TBC1D2: variants seen among roughly 807,000 people sequenced by gnomAD.
TBC1D2 encodes TBC1 domain family member 2A.
Under a neutral mutation model 91.1 loss-of-function variants are expected in TBC1D2, and 58 were observed. The observed-to-expected ratio is 0.64, with a 90% CI of 0.52 to 0.79. The LOEUF is 0.79. TBC1D2 is among the 30% of genes least tolerant of loss of function. The pLI, the probability that TBC1D2 is intolerant of heterozygous loss-of-function variation, is 0.00. For missense variants in TBC1D2, 1,080 were observed against 1,208.3 expected, an observed-to-expected ratio of 0.89 and a Z score of 1.57; for synonymous variants, 482 against 511.5, an observed-to-expected ratio of 0.94 and a Z score of 0.78.
intron 6 of TBC1D2, among the ~76,000 whole-genome samples, chr9:98,217,720 T>A (rs762429424): frequency 3.3e-5 from 5 of 152,196 alleles, no homozygotes; most frequent in Admixed American, 6.6e-5. Flanking sequence ...TTTTTTATTT[T>A]TTTTTTAATA....
intron 2 of TBC1D2, among the ~76,000 whole-genome samples, chr9:98,248,357 A>G (rs1829807965): frequency 6.6e-6 from 1 of 152,262 alleles, no homozygotes; most frequent in South Asian, 2.1e-4. Context: ...ACCCTGGAGA[A>G]ATGCCCTCCA....
intron 10 of TBC1D2, 119 bp downstream of exon 10, chr9:98,203,169 G>A (rs12342968): frequency 0.11 from 159,570 of 1,465,194 alleles, 9,423 homozygotes; most frequent in Non-Finnish European, 0.12. Context: ...CTCCCACAGT[G>A]CAGAGGGAGA....
chr9:98,200,509 T>G, intron 11 of TBC1D2, 135 bp from the exon 12 acceptor site: 7 of 352,456 alleles, frequency 2.0e-5, no homozygotes, highest in East Asian at 1.0e-4. Flanking sequence ...GGAGGCACAA[T>G]GTGTGGGGAT....
chr9:98,209,595 C>A (rs1828758463), intron 8 of TBC1D2, among the ~76,000 whole-genome samples: 1 of 152,142 alleles, frequency 6.6e-6, no homozygotes, highest in African/African-American at 2.4e-5. Flanking sequence ...CAGCTGGGGA[C>A]CCGTTCCAGA....
At position 98,203,534 on chromosome 9, in the gene TBC1D2, C is replaced by T. The variant is rs1828568696; in HGVS notation, c.2151-126G>A. The T allele has an allele frequency of 6.6e-6, 9 of 1,369,428 alleles. No homozygotes were observed. The Admixed American group carries it at 1.4e-4, about 21-fold the overall frequency. The allele number at this position is 1,369,428 out of a possible 1,614,324, so 84.8% of individuals were successfully genotyped here. A position where few individuals can be genotyped will look rare whatever the true frequency, so the allele number is the denominator to read the frequency against. ...CCATGTGAGCATCAGTGCAATCCCACTCCCTAACCAGATTTGTGCTCCTGG... is the reference window on the plus strand; with the variant it reads ...CCATGTGAGCATCAGTGCAATCCCATTCCCTAACCAGATTTGTGCTCCTGG... On this transcript the variant is annotated intron_variant, in intron 9 of 12. Coordinates refer to ENST00000465784, the MANE Select transcript of TBC1D2 (RefSeq NM_001267571.2).
intron 5 of TBC1D2, among the ~76,000 whole-genome samples, chr9:98,224,817 G>A (rs993206330): frequency 6.6e-6 from 1 of 152,128 alleles, no homozygotes; most frequent in African/African-American, 2.4e-5. Flanking sequence ...TTCTGGATCC[G>A]TGGGGGGTGT....
At chr9:98,241,681 T>C (rs967884288) in intron 3 of TBC1D2, among the ~76,000 whole-genome samples, 2 of 152,184 alleles carry the variant, frequency 1.3e-5, no homozygotes, top group African/African-American at 4.8e-5. Context: ...CTGCCCTGGG[T>C]GCATGCTGGC....
intron 2 of TBC1D2, among the ~76,000 whole-genome samples, chr9:98,248,195 C>G (rs1829804629): frequency 6.6e-6 from 1 of 152,240 alleles, no homozygotes; most frequent in African/African-American, 2.4e-5. Flanking sequence ...ACAAGCAGAT[C>G]ATCTAAGACA....
At chr9:98,221,645 G>GC (rs1241356819) in intron 5 of TBC1D2, among the ~76,000 whole-genome samples, 2 of 152,194 alleles carry the variant, frequency 1.3e-5, no homozygotes, top group East Asian at 3.9e-4. Flanking sequence ...AGAAAGGGCT[G>GC]CCCCCCAGCT....
chr9:98,209,134 C>T lies in TBC1D2; in HGVS notation c.1684G>A (p.Glu562Lys), dbSNP rs765947069. The change falls in exon 9 of 13, where the codon GAG becomes AAG. Residue 562 changes from glutamate (E) to lysine (K), a missense_variant. Glu to Lys is a moderately conservative substitution (Grantham distance 56). Transcript: ENST00000465784. ...IELSPISKYD[E>K]YGFLTVPDYE... ...TCGGGCACCGTCAGGAAGCCGTACTCATCATACTTACTGCCAGCAAAAGTG... is the reference window on the plus strand; with the variant it reads ...TCGGGCACCGTCAGGAAGCCGTACTTATCATACTTACTGCCAGCAAAAGTG... 2.1e-5 allele frequency: 33 copies of T among 1,608,690 alleles called. No individual in the cohort carries two copies. The highest frequency in any genetic ancestry group is 5.0e-5 in the Admixed American group (3 of 59,906).
intron 2 of TBC1D2, among the ~76,000 whole-genome samples, chr9:98,251,331 A>C (rs1485755762): frequency 3.3e-5 from 5 of 151,934 alleles, no homozygotes; most frequent in Non-Finnish European, 7.4e-5. Flanking sequence ...CTCACGACAC[A>C]AATCTACAAC....
chr9:98,248,469 T>C (rs2131293278), intron 2 of TBC1D2, among the ~76,000 whole-genome samples: 1 of 152,282 alleles, frequency 6.6e-6, no homozygotes, highest in African/African-American at 2.4e-5. Context: ...AGGCGCTGCC[T>C]AGACAAAAAA....
Position 98,244,024 on chromosome 9 carries a change from A to C in TBC1D2, c.617T>G (p.Ile206Ser). 6.2e-7 allele frequency: 1 copy of C among 1,610,158 alleles called. No individual in the cohort carries two copies. The highest frequency in any genetic ancestry group is 8.5e-7 in the Non-Finnish European group (1 of 1,178,286). The change falls in exon 3 of 13, where the codon ATT becomes AGT. Residue 206 changes from isoleucine (I) to serine (S), a missense_variant. Physicochemically the swap from Ile to Ser is moderately radical, Grantham distance 142. Coordinates refer to ENST00000465784, the MANE Select transcript of TBC1D2 (RefSeq NM_001267571.2). ...ALQPFPALQNISLKHLGTEIQ... is the reference protein window; with the variant it reads ...ALQPFPALQNSSLKHLGTEIQ... ...TTCAGTCCCCAGGTGCTTGAGGGAA[A>C]TATTCTGAAGGGCAGGGAAGGGCTG...
chr9:98,208,673 C>T lies in TBC1D2; in HGVS notation c.2145G>A (p.Leu715=), dbSNP rs762572397. 3 of 1,524,266 alleles carry T rather than the reference C, an allele frequency of 2.0e-6. No individual in the cohort carries two copies. The Admixed American group carries it at 6.4e-5, about 33-fold the overall frequency. The allele number at this position is 1,524,266 out of a possible 1,614,324, so 94.4% of individuals were successfully genotyped here. A position where few individuals can be genotyped will look rare whatever the true frequency, so the allele number is the denominator to read the frequency against. The part of the protein sequence containing the change: ...QNPTIGYCQG[L]NRLAAIALLV... Reference sequence around the variant, plus strand: ...ACTGGGCTTTGGTGGCTTACCTGTTCAGGCCCTGGCAGTAGCCGATGGTGG... The same window carrying T: ...ACTGGGCTTTGGTGGCTTACCTGTTTAGGCCCTGGCAGTAGCCGATGGTGG... Residue 715 remains leucine, a synonymous_variant, in exon 9 of 13, where the codon CTG becomes CTA. Transcript: ENST00000465784.
chr9:98,220,892 G>A lies in TBC1D2; in HGVS notation c.1315C>T (p.Arg439Cys), dbSNP rs147250268. ...AAGTCCCTGTTGGCAGCGTCGGGGC[G>A]CAAAGGAGACTGGTCAGGGGGGTGC... The part of the protein sequence containing the change: ...FTHPPDQSPL[R>C]PDAANRDFLS... Residue 439 changes from arginine (R) to cysteine (C), a missense_variant, in exon 6 of 13, where the codon CGC becomes TGC. Transcript: ENST00000465784. 1.1e-4 allele frequency: 175 copies of A among 1,614,008 alleles called. No individual in the cohort carries two copies. The highest frequency in any genetic ancestry group is 9.9e-4 in the Middle Eastern group (6 of 6,084).
intron 2 of TBC1D2, among the ~76,000 whole-genome samples, chr9:98,249,174 T>C (rs1453873596): frequency 6.6e-6 from 1 of 152,094 alleles, no homozygotes; most frequent in African/African-American, 2.4e-5. Context: ...AGGCCCTGGG[T>C]CTGGGAGGAG....
chr9:98,203,334 G>A lies in TBC1D2; in HGVS notation c.2225C>T (p.Thr742Ile), dbSNP rs199521857. 5.0e-6 allele frequency: 8 copies of A among 1,614,216 alleles called. No individual in the cohort carries two copies. Among genetic ancestry groups the A allele is most frequent in the East Asian group, 2.2e-5 (1 of 44,882 alleles). ...AFWCLVAIVETIMPADYYCNT... is the reference protein window; with the variant it reads ...AFWCLVAIVEIIMPADYYCNT... ...GCAGTAGTAATCAGCGGGCATGATG[G>A]TCTCCACAATGGCCACCAGGCACCA... Residue 742 changes from threonine to isoleucine, a missense_variant, in exon 10 of 13, where the codon ACC becomes ATC. By Grantham distance (89) the Thr-to-Ile change is moderately conservative. Coordinates refer to ENST00000465784, the MANE Select transcript of TBC1D2 (RefSeq NM_001267571.2).
In TBC1D2 at chr9:98,255,104, G is replaced by A; in HGVS notation, c.369+69C>T. On this transcript the variant is annotated intron_variant, in intron 1 of 12. Transcript: ENST00000465784. ...TTTACTGTGTCCACCTCACACTCGC[G>A]CCCAGCCTTGCCCTGCGAAAAGGGG... 5.9e-6 allele frequency: 9 copies of A among 1,530,118 alleles called. No individual in the cohort carries two copies. The South Asian group carries it at 1.0e-4, about 17-fold the overall frequency. The allele number at this position is 1,530,118 out of a possible 1,614,324, so 94.8% of individuals were successfully genotyped here.
Position 98,233,844 on chromosome 9 carries a change from G to C in TBC1D2, c.648-295C>G, listed in dbSNP as rs188764435. 1.7e-3 allele frequency among the ~76,000 whole-genome samples: 265 copies of C among 152,340 alleles called. 1 individual carries two copies. The Middle Eastern group carries it at 0.02, about 12-fold the overall frequency. On this transcript the variant is annotated intron_variant, in intron 3 of 12. Coordinates refer to ENST00000465784, the MANE Select transcript of TBC1D2 (RefSeq NM_001267571.2). ...TGGAATATAAATGCCATGAGGCGGA[G>C]GTATTGTCCGTTTTGTTAACTGATG...
Sources: allele counts gnomAD v4.1 joint callset (sites outside exome capture counted in the v4.1 genomes callset), GRCh38; gene constraint gnomAD v4.1.1; transcripts MANE v1.5; gene names NCBI Gene and HGNC (gene_info 2026-07-23, HGNC 2026-07-21).